Variants in MFSD12 observed in about 807,000 individuals in gnomAD.
MFSD12 encodes the protein major facilitator superfamily domain-containing protein 12.
A neutral mutation model predicts 51.2 loss-of-function variants in MFSD12; 67 were observed. The ratio of observed to expected loss-of-function variants is 1.31; its 90% confidence interval spans 1.08 to 1.60. The LOEUF (loss-of-function observed/expected upper bound fraction) is 1.60. Among genes scored for constraint, MFSD12 ranks in the 40% most tolerant of loss-of-function variants. The pLI, the probability that MFSD12 is intolerant of heterozygous loss-of-function variation, is 0.00. For missense variants in MFSD12, 921 were observed against 673.0 expected, an observed-to-expected ratio of 1.37 and a Z score of -4.08; for synonymous variants, 441 against 316.7, an observed-to-expected ratio of 1.39 and a Z score of -4.17.
At chr19:3,541,674 G>C (rs1223899531), downstream of MFSD12, 2 of 985,168 alleles carry the variant, frequency 2.0e-6, no homozygotes, top group Non-Finnish European at 2.4e-6. Flanking sequence ...ATGGGCTCCC[G>C]CAAGTGTGTA....
rs368629390 is a variant in MFSD12, at chr19:3,544,663, G to A, written c.*47C>T. On this transcript the variant is annotated 3_prime_UTR_variant, in exon 10 of 10. Transcript: ENST00000355415. ...CCCCAAGGCCCTGGGGGGCATCCTC[G>A]TGCGTCCCCACAGTTCCCTTGCACA... The A allele has an allele frequency of 7.7e-5, 119 of 1,555,390 alleles. No homozygotes were observed. Among genetic ancestry groups the A allele is most frequent in the Admixed American group, 5.4e-4 (30 of 55,936 alleles).
intron 4 of MFSD12, chr19:3,539,018 A>G: frequency 3.2e-6 from 2 of 631,266 alleles, no homozygotes; most frequent in Non-Finnish European, 5.7e-6. Flanking sequence ...CAGTTGTTAA[A>G]TACTCAGAAC....
Position 3,546,072 on chromosome 19 carries a change from A to T in MFSD12, c.1289+2T>A. ...AATGAATGAACGAACAGCGGCACTC[A>T]CGGGCAAGGGTGCAGGCTCTGGATG... On this transcript the variant is annotated splice_donor_variant, in intron 8 of 9. Transcript: ENST00000355415. LOFTEE classifies it high-confidence loss of function. 1 of 1,613,166 alleles carries T rather than the reference A, an allele frequency of 6.2e-7. No individual in the cohort carries two copies. Among genetic ancestry groups the T allele is most frequent in the Non-Finnish European group, 8.5e-7 (1 of 1,179,802 alleles).
exon 5 of MFSD12, chr19:3,538,662 G>T: frequency 4.2e-6 from 2 of 472,410 alleles, no homozygotes; most frequent in South Asian, 3.1e-5. Flanking sequence ...TGGCGGCGCC[G>T]TGCTGATCCC....
intron 8 of MFSD12, among the ~76,000 whole-genome samples, chr19:3,545,653 C>G (rs2030946980): frequency 6.6e-6 from 1 of 152,232 alleles, no homozygotes; most frequent in African/African-American, 2.4e-5. Context: ...ACATGTTCAC[C>G]TCTGTGACTA....
Position 3,547,377 on chromosome 19 carries a change from A to G in MFSD12, c.931-13T>C. 6.2e-7 allele frequency: 1 copy of G among 1,613,098 alleles called. No individual in the cohort carries two copies. Among genetic ancestry groups the G allele is most frequent in the Non-Finnish European group, 8.5e-7 (1 of 1,179,872 alleles). On this transcript the variant is annotated splice_polypyrimidine_tract_variant and intron_variant, in intron 5 of 9. Transcript: ENST00000355415. ...TCGCGATGAACTTCTGCGGAGGCAG[A>G]GCCAGGCATGCCGTGTCAGTCATGG...
At chr19:3,539,603 C>T (rs2030193641), downstream of MFSD12, 2 of 276,936 alleles carry the variant, frequency 7.2e-6, no homozygotes, top group Non-Finnish European at 1.4e-5. Flanking sequence ...CTGTCCCACA[C>T]CTCTTGCAGC....
Position 3,557,395 on chromosome 19 carries a change from C to A in MFSD12, c.9G>T (p.Pro3=). The part of the protein sequence containing the change: MG[P]GPPAAGAAPS... ...GCGCCGCTCCGGCCGCTGGGGGTCC[C>A]GGGCCCATCGCGGCGCCGGGCCCGC... is the stretch of plus-strand genomic sequence containing the variant. Residue 3 remains proline, a synonymous_variant, in exon 1 of 10, where the codon CCG becomes CCT. Coordinates refer to ENST00000355415, the MANE Select transcript of MFSD12 (RefSeq NM_174983.5). The A allele has an allele frequency of 8.0e-7, 1 of 1,248,102 alleles. No homozygotes were observed. Among genetic ancestry groups the A allele is most frequent in the Non-Finnish European group, 1.0e-6 (1 of 993,414 alleles). The allele number at this position is 1,248,102 out of a possible 1,614,324, so 77.3% of individuals were successfully genotyped here. A position where few individuals can be genotyped will look rare whatever the true frequency, so the allele number is the denominator to read the frequency against.
rs774706682 is a variant in MFSD12, at chr19:3,551,012, G to A, written c.481C>T (p.His161Tyr). 4.3e-6 allele frequency: 7 copies of A among 1,612,374 alleles called. No homozygotes were observed. The highest frequency in any genetic ancestry group is 3.3e-5 in the Admixed American group (2 of 59,992). Residue 161 changes from histidine to tyrosine, a missense_variant, in exon 2 of 10, where the codon CAT becomes TAT. His to Tyr is a moderately conservative substitution (Grantham distance 83). Coordinates refer to ENST00000355415, the MANE Select transcript of MFSD12 (RefSeq NM_174983.5). This position sits in a 1 kb window ranked among gnomAD's most constrained non-coding sequence, Gnocchi z 4.6. ...SLIPELVTND[H>Y]EKVELTALRY... ...AGTGCCGTGAGCTCCACCTTCTCATGGTCGTTGGTGACGAGCTCCGGGATG... is the reference window on the plus strand; with the variant it reads ...AGTGCCGTGAGCTCCACCTTCTCATAGTCGTTGGTGACGAGCTCCGGGATG...
exon 5 of MFSD12, chr19:3,538,529 A>G (rs2030085595): frequency 5.4e-6 from 2 of 372,296 alleles, no homozygotes; most frequent in Non-Finnish European, 5.4e-6. Flanking sequence ...TAGAAGTGGG[A>G]TCACAGCGTA....
At position 3,551,330 on chromosome 19, in the gene MFSD12, A is replaced by G. The variant is rs2031467382; in HGVS notation, c.299-136T>C. 1 of 690,632 alleles carries G rather than the reference A, an allele frequency of 1.4e-6. No homozygotes were observed. Among genetic ancestry groups the G allele is most frequent in the Non-Finnish European group, 2.4e-6 (1 of 424,796 alleles). The allele number at this position is 690,632 out of a possible 1,614,324, so 42.8% of individuals were successfully genotyped here. ...CCCCGCATGCACACAGTCACGCAGG[A>G]GCGAGGGTCTGCAGTCGGGGTCCCC... On this transcript the variant is annotated intron_variant, in intron 1 of 9. Transcript: ENST00000355415. This position sits in a 1 kb window ranked among gnomAD's most constrained non-coding sequence, Gnocchi z 4.6.
chr19:3,538,595 CTG>C lies in MFSD12; in HGVS notation c.*165_*166del, dbSNP rs1259973805. ...GTGACATCCTCAAGGTGCATCCGCA[CTG>C]TGGCCTGGGTCAGAGCTTCGCACCT... On this transcript the variant is annotated 3_prime_UTR_variant, in exon 5 of 5. Transcript: ENST00000398558. 1.2e-5 allele frequency: 5 copies of C among 431,634 alleles called. No homozygotes were observed. In the East Asian group the frequency reaches 2.8e-4, roughly 24 times the overall value. The allele number at this position is 431,634 out of a possible 1,614,324, so 26.7% of individuals were successfully genotyped here.
At chr19:3,552,369 C>T (rs374668634) in intron 1 of MFSD12, among the ~76,000 whole-genome samples, 18 of 151,428 alleles carry the variant, frequency 1.2e-4, no homozygotes, top group Admixed American at 8.6e-4. Context: ...GGTTTCACCA[C>T]GTTGGCCAGG....
Position 3,547,545 on chromosome 19 carries a change from C to A in MFSD12, c.840G>T (p.Val280=). 6.2e-7 allele frequency: 1 copy of A among 1,608,766 alleles called. No individual in the cohort carries two copies. Among genetic ancestry groups the A allele is most frequent in the South Asian group, 1.1e-5 (1 of 90,404 alleles). ...HWLREPAFYQ[V]GILYMTTRLI... ...GCCTGGTGGTCATGTACAGTATGCC[C>A]ACCTGTGGGCAGACCGACAGAGGGA... Residue 280 remains valine, a splice_region_variant and synonymous_variant, in exon 5 of 10, where the codon GTG becomes GTT. Coordinates refer to ENST00000355415, the MANE Select transcript of MFSD12 (RefSeq NM_174983.5).
chr19:3,557,031 G>C (rs2031762059), intron 1 of MFSD12, 75 bp downstream of exon 1: 2 of 1,212,760 alleles, frequency 1.6e-6, no homozygotes, highest in Non-Finnish European at 1.0e-6. Context: ...CGGGTGGTGA[G>C]TCAGAGGGAG....
At chr19:3,545,366 A>C (rs955716014) in intron 8 of MFSD12, among the ~76,000 whole-genome samples, 1 of 151,714 alleles carries the variant, frequency 6.6e-6, no homozygotes, top group African/African-American at 2.4e-5. Context: ...AGTCCTCCCC[A>C]TGGCCCACCA....
chr19:3,546,860 G>C (rs902144750), intron 6 of MFSD12, among the ~76,000 whole-genome samples: 2 of 152,024 alleles, frequency 1.3e-5, no homozygotes, highest in Admixed American at 6.5e-5. Context: ...GGAGACAAGA[G>C]TCTCGCTGTG....
At position 3,557,274 on chromosome 19, in the gene MFSD12, G is replaced by T. The variant is rs745586471; in HGVS notation, c.130C>A (p.Leu44Met). 6.3e-7 allele frequency: 1 copy of T among 1,597,938 alleles called. No individual in the cohort carries two copies. Among genetic ancestry groups the T allele is most frequent in the South Asian group, 1.1e-5 (1 of 88,406 alleles). ...LCASMWFTYL[L>M]LYLHSVRAYS... ...GCGCGCACCGAGTGCAGGTAGAGCAGCAGGTAGGTGAACCACATGGACGCG... is the reference window on the plus strand; with the variant it reads ...GCGCGCACCGAGTGCAGGTAGAGCATCAGGTAGGTGAACCACATGGACGCG... The change falls in exon 1 of 10, where the codon CTG (leucine) becomes ATG (methionine). Residue 44 changes from leucine to methionine, a missense_variant. Transcript: ENST00000355415.
Position 3,557,237 on chromosome 19 carries a change from C to T in MFSD12, c.167G>A (p.Arg56His). Reference protein sequence around the residue: ...YLHSVRAYSSRGAGLLLLLGQ... With the variant: ...YLHSVRAYSSHGAGLLLLLGQ... The stretch of plus-strand genomic sequence containing the variant: ...CAGCAGCAGCAGCAGCCCCGCGCCG[C>T]GGGAGCTGTAGGCGCGCACCGAGTG... Residue 56 changes from arginine to histidine, a missense_variant, in exon 1 of 10, where the codon CGC (arginine) becomes CAC (histidine). Coordinates refer to ENST00000355415, the MANE Select transcript of MFSD12 (RefSeq NM_174983.5). The T allele has an allele frequency of 6.3e-7, 1 of 1,592,732 alleles. No homozygotes were observed. The highest frequency in any genetic ancestry group is 1.7e-5 in the Admixed American group (1 of 57,778).
Sources: allele counts gnomAD v4.1 joint callset (sites outside exome capture counted in the v4.1 genomes callset), GRCh38; gene constraint gnomAD v4.1.1; non-coding constraint Gnocchi (gnomAD v3.1); transcripts MANE v1.5; gene names NCBI Gene and HGNC (gene_info 2026-07-23, HGNC 2026-07-21).